Variants in ABAT observed in about 807,000 individuals in gnomAD.
ABAT encodes 4-aminobutyrate aminotransferase, also known as 4-aminobutyrate aminotransferase, mitochondrial.
ABAT carries 45 observed loss-of-function variants against 64.6 expected under a neutral mutation model. The ratio of observed to expected loss-of-function variants is 0.70; its 90% confidence interval spans 0.55 to 0.89. The LOEUF (loss-of-function observed/expected upper bound fraction) is 0.89. Ranked by LOEUF, ABAT falls within the 40% of genes least tolerant of loss-of-function variation. ABAT has a pLI of 0.00. For missense variants in ABAT, 633 were observed against 658.4 expected (o/e 0.96, Z 0.42); for synonymous variants, 297 against 250.5 (o/e 1.19, Z -1.75).
At position 8,755,133 on chromosome 16, in the gene ABAT, C is replaced by T. The variant is rs7185579; in HGVS notation, c.317-2624C>T. Among the ~76,000 whole-genome samples, 330 of 150,638 alleles carry T rather than the reference C, an allele frequency of 2.2e-3. 1 individual carries two copies. Among genetic ancestry groups the T allele is most frequent in the African/African-American group, 7.8e-3 (317 of 40,510 alleles). ...AAGCCCAAGAATATAGTCGTTGATT[C>T]GTTTTTGTTTTTTTTTAACTCTCTG... On this transcript the variant is annotated intron_variant, in intron 5 of 15. Coordinates refer to ENST00000268251, the MANE Select transcript of ABAT (RefSeq NM_020686.6).
intron 12 of ABAT, among the ~76,000 whole-genome samples, chr16:8,773,144 A>ACACG (rs1160104387): frequency 7.7e-6 from 1 of 130,334 alleles, no homozygotes; most frequent in Non-Finnish European, 1.7e-5. Context: ...ACACACACAC[A>ACACG]CACATATATA....
rs575311189 is a variant in ABAT at position 8,704,937 on chromosome 16, C to T, written c.-42+30226C>T. Among the ~76,000 whole-genome samples the T allele has an allele frequency of 1.5e-4, 23 of 152,290 alleles. No homozygotes were observed. The South Asian group carries it at 2.5e-3, about 16-fold the overall frequency. ...CTGGCCTCAAGCAATCCTCCCACCT[C>T]GGCCTCCCAAAATGCTGGGATTATA... On this transcript the variant is annotated intron_variant, in intron 1 of 15. Transcript: ENST00000268251.
intron 1 of ABAT, among the ~76,000 whole-genome samples, chr16:8,709,141 C>T (rs2142067060): frequency 6.6e-6 from 1 of 152,130 alleles, no homozygotes; most frequent in East Asian, 1.9e-4. Context: ...AATTTATTAC[C>T]TGTTGAAATG....
intron 1 of ABAT, among the ~76,000 whole-genome samples, chr16:8,726,776 C>T (rs1731076): frequency 0.69 from 104,600 of 152,114 alleles, 37,135 homozygotes; most frequent in Non-Finnish European, 0.78. Context: ...AACTGTTCTC[C>T]ATAGTGGTTG....
intron 4 of ABAT, among the ~76,000 whole-genome samples, 168 bp downstream of exon 4, chr16:8,748,305 C>A (rs2059388822): frequency 6.6e-6 from 1 of 152,160 alleles, no homozygotes; most frequent in African/African-American, 2.4e-5. Context: ...CCATTAGTTA[C>A]TTACATGATG....
At chr16:8,734,995 G>T (rs547483895) in intron 1 of ABAT, among the ~76,000 whole-genome samples, 1 of 151,140 alleles carries the variant, frequency 6.6e-6, no homozygotes, top group African/African-American at 2.4e-5. Flanking sequence ...ATTACTTGAG[G>T]TCAGAAGTTC....
At chr16:8,685,511 A>T (rs1315993632) in intron 1 of ABAT, among the ~76,000 whole-genome samples, 1 of 150,002 alleles carries the variant, frequency 6.7e-6, no homozygotes, top group Non-Finnish European at 1.5e-5. Flanking sequence ...CTCTGCTAAA[A>T]ATACAAAAAA....
chr16:8,688,119 G>A (rs2141958203), intron 1 of ABAT, among the ~76,000 whole-genome samples: 1 of 152,158 alleles, frequency 6.6e-6, no homozygotes, highest in South Asian at 2.1e-4. Flanking sequence ...GCCAAGGCTG[G>A]TCTCAAACTC....
chr16:8,732,469 T>C (rs1203207279), intron 1 of ABAT, among the ~76,000 whole-genome samples: 2 of 150,820 alleles, frequency 1.3e-5, no homozygotes, highest in African/African-American at 2.5e-5. Context: ...AAAGCACATC[T>C]TGCACCGCCC....
Position 8,772,920 on chromosome 16 carries a change from C to G in ABAT, c.954+3C>G. The G allele has an allele frequency of 1.2e-6, 2 of 1,613,476 alleles. No homozygotes were observed. Among genetic ancestry groups the G allele is most frequent in the Non-Finnish European group, 8.5e-7 (1 of 1,179,974 alleles). On this transcript the variant is annotated splice_donor_region_variant and intron_variant, in intron 12 of 15. Transcript: ENST00000268251. Reference sequence around the variant, plus strand: ...AGCTGAGAGACATCGCCAGGAAGGTCAGTGGACAGGGCCGAGGTTGGATGG... The same window carrying G: ...AGCTGAGAGACATCGCCAGGAAGGTGAGTGGACAGGGCCGAGGTTGGATGG...
chr16:8,740,687 A>G lies in ABAT; in HGVS notation c.70+4878A>G, dbSNP rs922584473. On this transcript the variant is annotated intron_variant, in intron 2 of 15. Coordinates refer to ENST00000268251, the MANE Select transcript of ABAT (RefSeq NM_020686.6). ...TTAACGATCTGACATGGTGTTCCCA[A>G]TGGCATCATTTTATGCCTCCCCAAA... Among the ~76,000 whole-genome samples the G allele has an allele frequency of 2.0e-5, 3 of 152,220 alleles. No individual in the cohort carries two copies. The South Asian group carries it at 6.2e-4, about 31-fold the overall frequency.
chr16:8,761,116 C>T (rs2059783608), intron 6 of ABAT, among the ~76,000 whole-genome samples: 1 of 151,768 alleles, frequency 6.6e-6, no homozygotes. Flanking sequence ...TCCCAGAAAA[C>T]AAAGGCCCAG....
chr16:8,719,417 C>T (rs756334841), intron 1 of ABAT, among the ~76,000 whole-genome samples: 16 of 152,172 alleles, frequency 1.1e-4, no homozygotes, highest in South Asian at 8.3e-4. Flanking sequence ...GTCTCACATT[C>T]GGAGGCTTGG....
intron 5 of ABAT, among the ~76,000 whole-genome samples, chr16:8,751,854 G>A (rs2059495460): frequency 6.6e-6 from 1 of 152,190 alleles, no homozygotes; most frequent in African/African-American, 2.4e-5. Context: ...TGTATAAAAG[G>A]GCACACAGAC....
chr16:8,687,697 C>T (rs7204053), intron 1 of ABAT, among the ~76,000 whole-genome samples: 15,752 of 152,164 alleles, frequency 0.1, 973 homozygotes, highest in Admixed American at 0.15. Context: ...GGGCTGAGGC[C>T]TGTGTCTTAG....
At chr16:8,698,031 C>A (rs2057741939) in intron 1 of ABAT, among the ~76,000 whole-genome samples, 1 of 152,212 alleles carries the variant, frequency 6.6e-6, no homozygotes, top group Non-Finnish European at 1.5e-5. Context: ...TCATTGAGAT[C>A]ATACATTCAC....
rs1370682776 is a variant in ABAT, at chr16:8,764,082, A to G, written c.380A>G (p.Asn127Ser). ...GCCCTTTTGCAGAGCATGTTTGTCA[A>G]CAGACCCGCCCTCGGAATCCTGCCT... is the stretch of plus-strand genomic sequence containing the variant. ...QQPQNASMFV[N>S]RPALGILPPE... is the part of the protein sequence containing the mutation. Residue 127 changes from asparagine to serine, a missense_variant, in exon 7 of 16, where the codon AAC becomes AGC. Transcript: ENST00000268251. This position sits in a 1 kb window ranked among gnomAD's most constrained non-coding sequence, Gnocchi z 4.2. The G allele has an allele frequency of 6.2e-7, 1 of 1,613,594 alleles. No individual in the cohort carries two copies. The highest frequency in any genetic ancestry group is 8.5e-7 in the Non-Finnish European group (1 of 1,179,992).
intron 1 of ABAT, among the ~76,000 whole-genome samples, chr16:8,681,000 C>T (rs1393633095): frequency 1.4e-5 from 2 of 144,072 alleles, no homozygotes; most frequent in African/African-American, 5.1e-5. Flanking sequence ...TTTTTTGAGA[C>T]AGAGTCTCAC....
intron 1 of ABAT, chr16:8,720,787 C>T (rs910140889): frequency 6.6e-6 from 1 of 152,274 alleles, no homozygotes; most frequent in Non-Finnish European, 1.5e-5. Context: ...TCCTCAGCGT[C>T]TGCCAGCACT....
Sources: allele counts gnomAD v4.1 joint callset (sites outside exome capture counted in the v4.1 genomes callset), GRCh38; gene constraint gnomAD v4.1.1; non-coding constraint Gnocchi (gnomAD v3.1); transcripts MANE v1.5; gene names NCBI Gene and HGNC (gene_info 2026-07-23, HGNC 2026-07-21).